The following PAM variants were observed in gnomAD, a reference collection of about 807,000 sequenced individuals.
The protein encoded by PAM is peptidylglycine alpha-amidating monooxygenase, also known as peptidyl-glycine alpha-amidating monooxygenase.
A neutral mutation model predicts 122.1 loss-of-function variants in PAM; 72 were observed. The observed-to-expected ratio is 0.59, with a 90% CI of 0.49 to 0.72. PAM has a LOEUF of 0.72. PAM is among the 30% of genes least tolerant of loss of function. The pLI is 0.00. For missense variants in PAM, 1,106 were observed against 1,183.7 expected (o/e 0.93, Z 0.96); for synonymous variants, 389 against 404.4 (o/e 0.96, Z 0.46).
chr5:102,871,752 A>G (rs1787585931), intron 3 of PAM, among the ~76,000 whole-genome samples: 3 of 147,626 alleles, frequency 2.0e-5, no homozygotes. Flanking sequence ...ATATATATGT[A>G]TATTTGAAAT....
Position 102,946,823 on chromosome 5 carries a change from ATG to A in PAM, c.527-8_527-7del, listed in dbSNP as rs1241982077. The stretch of plus-strand genomic sequence containing the variant: ...TATCATATTTAAGATATGTGTTTCT[ATG>A]TGTGTTTTCAGATAATAACAAGGAC... On this transcript the variant is annotated splice_polypyrimidine_tract_variant and intron_variant, in intron 7 of 25. Coordinates refer to ENST00000438793, the MANE Select transcript of PAM (RefSeq NM_001177306.2). 1 of 1,526,720 alleles carries A rather than the reference ATG, an allele frequency of 6.5e-7. No homozygotes were observed. The highest frequency in any genetic ancestry group is 1.4e-5 in the African/African-American group (1 of 73,166). 94.6% of individuals were successfully genotyped at this position (1,526,720 alleles called of 1,614,324 possible). A position where few individuals can be genotyped will look rare whatever the true frequency, so the allele number is the denominator to read the frequency against.
At chr5:103,008,139 C>T (rs183082735) in intron 20 of PAM, among the ~76,000 whole-genome samples, 32 of 152,034 alleles carry the variant, frequency 2.1e-4, no homozygotes, top group Admixed American at 1.7e-3. Context: ...ACTTTTTTCT[C>T]ATTTTCAAAA....
At chr5:102,770,138 TTTC>T (rs1754911192) in intron 1 of PAM, among the ~76,000 whole-genome samples, 1 of 152,096 alleles carries the variant, frequency 6.6e-6, no homozygotes, top group African/African-American at 2.4e-5. Flanking sequence ...TTTTAAAAAA[TTTC>T]TTCTTCAGAT....
intron 1 of PAM, among the ~76,000 whole-genome samples, chr5:102,835,983 T>C (rs952041671): frequency 1.3e-5 from 2 of 152,212 alleles, no homozygotes; most frequent in Non-Finnish European, 2.9e-5. Flanking sequence ...TATACCTTTC[T>C]AGTCAAAGGG....
intron 3 of PAM, among the ~76,000 whole-genome samples, chr5:102,893,600 C>G (rs529963832): frequency 6.6e-6 from 1 of 151,762 alleles, no homozygotes; most frequent in Non-Finnish European, 1.5e-5. Context: ...CTTACTCTTT[C>G]ATGTGAAAAG....
chr5:102,885,055 A>G (rs866675777), intron 3 of PAM, among the ~76,000 whole-genome samples: 4 of 151,278 alleles, frequency 2.6e-5, no homozygotes, highest in Non-Finnish European at 4.4e-5. Flanking sequence ...ACACACAGTT[A>G]ACACTTTAGC....
chr5:102,971,151 T>TA (rs111974604), intron 14 of PAM, among the ~76,000 whole-genome samples: 53,078 of 152,008 alleles, frequency 0.35, 9,609 homozygotes, highest in African/African-American at 0.43. Context: ...AATGTTTGAC[T>TA]GGAAAAAGGA....
chr5:102,781,800 A>G (rs1226612359), intron 1 of PAM, among the ~76,000 whole-genome samples: 2 of 152,242 alleles, frequency 1.3e-5, no homozygotes, highest in East Asian at 3.8e-4. Flanking sequence ...CTAATGTAAT[A>G]ACAACAATTT....
chr5:102,795,391 G>A (rs2150039277), intron 1 of PAM, among the ~76,000 whole-genome samples: 1 of 152,146 alleles, frequency 6.6e-6, no homozygotes, highest in South Asian at 2.1e-4. Context: ...GTTTTAAACT[G>A]CTGTCTAACC....
intron 3 of PAM, among the ~76,000 whole-genome samples, chr5:102,876,148 GTTCTT>G (rs1206025848): frequency 6.6e-6 from 1 of 152,014 alleles, no homozygotes; most frequent in Non-Finnish European, 1.5e-5. Flanking sequence ...TTTATTTATG[GTTCTT>G]TTCTCCCTCA....
chr5:102,977,459 ATT>A (rs1021851646), intron 15 of PAM, among the ~76,000 whole-genome samples: 1 of 151,902 alleles, frequency 6.6e-6, no homozygotes, highest in Non-Finnish European at 1.5e-5. Context: ...TGCGAATAGC[ATT>A]TTTTTTAGGT....
At chr5:102,926,051 G>T (rs1454307175) in intron 6 of PAM, among the ~76,000 whole-genome samples, 1 of 151,286 alleles carries the variant, frequency 6.6e-6, no homozygotes, top group Non-Finnish European at 1.5e-5. Context: ...AAATAAATAT[G>T]AATATATACA....
chr5:102,910,648 C>T (rs1801121185), intron 4 of PAM, among the ~76,000 whole-genome samples: 1 of 151,768 alleles, frequency 6.6e-6, no homozygotes, highest in Admixed American at 6.6e-5. Context: ...TATTCCTTTG[C>T]ATTCTCTTGA....
At chr5:102,816,623 C>T (rs1195801782) in intron 1 of PAM, among the ~76,000 whole-genome samples, 3 of 152,086 alleles carry the variant, frequency 2.0e-5, no homozygotes, top group East Asian at 1.9e-4. Flanking sequence ...ATTTGGGACA[C>T]GTAGTTTTTC....
intron 17 of PAM, 116 bp downstream of exon 17, chr5:103,003,265 C>G (rs574131225): frequency 5.4e-6 from 3 of 554,010 alleles, no homozygotes; most frequent in Admixed American, 3.0e-5. Context: ...AAGCAGAAAA[C>G]TAACTGGGCC....
chr5:102,873,050 T>C (rs1441622859), intron 3 of PAM, among the ~76,000 whole-genome samples: 1 of 151,860 alleles, frequency 6.6e-6, no homozygotes, highest in Non-Finnish European at 1.5e-5. Flanking sequence ...AACCTACATA[T>C]GTACTCCTGA....
chr5:102,947,373 C>G (rs1757392052), intron 8 of PAM, among the ~76,000 whole-genome samples: 2 of 152,188 alleles, frequency 1.3e-5, no homozygotes, highest in African/African-American at 4.8e-5. Flanking sequence ...GGCATACCAT[C>G]ACTTTTGCCA....
At chr5:102,975,753 C>T (rs1222070748) in intron 15 of PAM, among the ~76,000 whole-genome samples, 1 of 152,120 alleles carries the variant, frequency 6.6e-6, no homozygotes, top group Non-Finnish European at 1.5e-5. Context: ...ACCCAGACAA[C>T]ATGGAAATAT....
At chr5:103,012,650 C>G (rs549048934) in intron 21 of PAM, among the ~76,000 whole-genome samples, 20 of 151,896 alleles carry the variant, frequency 1.3e-4, no homozygotes, top group African/African-American at 4.8e-4. Flanking sequence ...GTCAGGAGAT[C>G]GAGACCATCC....
Sources: allele counts gnomAD v4.1 joint callset (sites outside exome capture counted in the v4.1 genomes callset), GRCh38; gene constraint gnomAD v4.1.1; transcripts MANE v1.5; gene names NCBI Gene and HGNC (gene_info 2026-07-23, HGNC 2026-07-21).